The following MAP2K2 variants were observed in gnomAD, a reference collection of about 807,000 sequenced individuals.
MAP2K2 encodes the protein dual specificity mitogen-activated protein kinase kinase 2.
In MAP2K2, 24 loss-of-function variants were observed where a neutral mutation model predicts 43.7. That is an observed-to-expected ratio of 0.55 (90% CI 0.40 to 0.77). The LOEUF (loss-of-function observed/expected upper bound fraction) is 0.77. Among genes scored for constraint, MAP2K2 ranks in the 30% least tolerant of loss-of-function variants. The pLI is 0.00. For synonymous variants in MAP2K2, 244 were observed against 239.7 expected, an observed-to-expected ratio of 1.02 and a Z score of -0.17; for missense variants, 470 against 566.8, an observed-to-expected ratio of 0.83 and a Z score of 1.73.
intron 1 of MAP2K2, among the ~76,000 whole-genome samples, chr19:4,122,082 C>A (rs568007083): frequency 3.9e-4 from 56 of 144,106 alleles, no homozygotes; most frequent in African/African-American, 1.4e-3. Context: ...CCCAAAAGGA[C>A]CGCTCCCCGC....
At chr19:4,098,330 G>A (rs146568126) in intron 7 of MAP2K2, among the ~76,000 whole-genome samples, 1 of 152,292 alleles carries the variant, frequency 6.6e-6, no homozygotes, top group African/African-American at 2.4e-5. Flanking sequence ...AGCTGAGAAG[G>A]TTCTGGAATT....
At chr19:4,092,638 T>C (rs183737198) in intron 10 of MAP2K2, among the ~76,000 whole-genome samples, 503 of 152,252 alleles carry the variant, frequency 3.3e-3, no homozygotes, top group Non-Finnish European at 5.0e-3. Context: ...TTTTTAGTTA[T>C]TTATTTATTT....
In MAP2K2 at chr19:4,091,356, AT is replaced by A. The variant is rs558330774; in HGVS notation, c.1093-649del. ...AAATTAATTAAATACTTTTACTTTA[AT>A]TTTTTTTTTTTTTAGATGGAGTTTC... On this transcript the variant is annotated intron_variant, in intron 10 of 10. Coordinates refer to ENST00000262948, the MANE Select transcript of MAP2K2 (RefSeq NM_030662.4). Among the ~76,000 whole-genome samples the A allele has an allele frequency of 3.6e-3, 518 of 145,602 alleles. 1 individual carries two copies. Among genetic ancestry groups the A allele is most frequent in the South Asian group, 0.01 (46 of 4,578 alleles).
chr19:4,123,279 C>T (rs1275970999), intron 1 of MAP2K2, among the ~76,000 whole-genome samples: 1 of 151,390 alleles, frequency 6.6e-6, no homozygotes. Flanking sequence ...ACTCCCCTCA[C>T]CCCAGCTTCA....
intron 3 of MAP2K2, among the ~76,000 whole-genome samples, chr19:4,107,537 A>C (rs1458928778): frequency 1.3e-5 from 2 of 151,006 alleles, no homozygotes; most frequent in African/African-American, 2.4e-5. Context: ...AAAAAAAAAA[A>C]AAAAAAAAAC....
chr19:4,113,866 C>G (rs1033345302), intron 2 of MAP2K2, among the ~76,000 whole-genome samples: 1 of 152,186 alleles, frequency 6.6e-6, no homozygotes, highest in African/African-American at 2.4e-5. Context: ...CGGCCGCCAC[C>G]CCGCAGGCCT....
intron 2 of MAP2K2, among the ~76,000 whole-genome samples, chr19:4,111,615 C>T (rs534598960): frequency 5.7e-4 from 87 of 152,262 alleles, no homozygotes; most frequent in African/African-American, 1.9e-3. Context: ...TCAAGTTGAC[C>T]CCGGTGCCAC....
Position 4,095,397 on chromosome 19 carries a change from A to G in MAP2K2, c.1037T>C (p.Val346Ala). The G allele has an allele frequency of 6.4e-7, 1 of 1,551,142 alleles. No homozygotes were observed. Among genetic ancestry groups the G allele is most frequent in the Non-Finnish European group, 8.7e-7 (1 of 1,146,796 alleles). Residue 346 changes from valine to alanine, a missense_variant, in exon 9 of 11, where the codon GTC (valine) becomes GCC (alanine). Val to Ala is a moderately conservative substitution (Grantham distance 64). Coordinates refer to ENST00000262948, the MANE Select transcript of MAP2K2 (RefSeq NM_030662.4). Reference protein sequence around the residue: ...GVFTPDFQEFVNKCLIKNPAE... With the variant: ...GVFTPDFQEFANKCLIKNPAE... ...GCCCGGCTCCACCTACCATTTATTG[A>G]CAAACTCCTGGAAGTCGGGGGTGAA...
intron 7 of MAP2K2, 70 bp from the exon 8 acceptor site, chr19:4,097,413 C>T: frequency 1.6e-6 from 2 of 1,245,112 alleles, no homozygotes; most frequent in Non-Finnish European, 2.4e-6. Flanking sequence ...GTTGGGCTCC[C>T]AGGGGGCTGA....
intron 1 of MAP2K2, among the ~76,000 whole-genome samples, chr19:4,118,633 G>A (rs988734441): frequency 2.0e-5 from 3 of 152,076 alleles, no homozygotes; most frequent in Admixed American, 2.0e-4. Flanking sequence ...GACCAGCCTG[G>A]GCAACAAAGT....
chr19:4,102,182 G>A (rs1260368569), intron 4 of MAP2K2, among the ~76,000 whole-genome samples, 194 bp downstream of exon 4: 1 of 152,188 alleles, frequency 6.6e-6, no homozygotes, highest in African/African-American at 2.4e-5. Context: ...CTTGGCAGAT[G>A]GTGACCTCAG....
intron 8 of MAP2K2, among the ~76,000 whole-genome samples, chr19:4,095,901 A>T (rs1051541233): frequency 2.0e-5 from 3 of 152,176 alleles, no homozygotes; most frequent in Admixed American, 6.5e-5. Context: ...CAGCCTCCTG[A>T]GTAGCTGGGA....
intron 3 of MAP2K2, 54 bp downstream of exon 3, chr19:4,110,455 A>C: frequency 1.2e-6 from 2 of 1,605,548 alleles, no homozygotes; most frequent in Non-Finnish European, 1.7e-6. Flanking sequence ...CTTCTCCCCA[A>C]CATGCTCTGT....
chr19:4,117,684 G>A (rs750109603), intron 1 of MAP2K2, 55 bp from the exon 2 acceptor site: 28 of 1,530,580 alleles, frequency 1.8e-5, no homozygotes, highest in East Asian at 1.6e-4. Flanking sequence ...CCATCTGGCC[G>A]TTTGCTATGT....
chr19:4,123,541 C>T (rs1398505579), intron 1 of MAP2K2, among the ~76,000 whole-genome samples: 1 of 150,196 alleles, frequency 6.7e-6, no homozygotes, highest in Non-Finnish European at 1.5e-5. Context: ...CCCTTCGCCC[C>T]GTCCTCCGAG....
intron 1 of MAP2K2, among the ~76,000 whole-genome samples, chr19:4,118,320 G>A (rs932317921): frequency 6.6e-6 from 1 of 151,284 alleles, no homozygotes; most frequent in Non-Finnish European, 1.5e-5. Context: ...CGGAGCCCGG[G>A]CCAAGATGTC....
At chr19:4,093,312 C>T (rs1425207405) in intron 10 of MAP2K2, among the ~76,000 whole-genome samples, 1 of 152,134 alleles carries the variant, frequency 6.6e-6, no homozygotes, top group Admixed American at 6.5e-5. Flanking sequence ...GTGGGAGGAT[C>T]ACTTGAGCAC....
Position 4,117,638 on chromosome 19 carries a change from AC to A in MAP2K2, c.93-10del, listed in dbSNP as rs751442889. On this transcript the variant is annotated splice_polypyrimidine_tract_variant and intron_variant, in intron 1 of 10. Coordinates refer to ENST00000262948, the MANE Select transcript of MAP2K2 (RefSeq NM_030662.4). The stretch of plus-strand genomic sequence containing the variant: ...GGTCCACCAGGTTTGCCCTGCAGAG[AC>A]CCCCCAGGGTAGGGGTTAGCTACCT... The A allele has an allele frequency of 2.5e-6, 4 of 1,612,378 alleles. No homozygotes were observed. Among genetic ancestry groups the A allele is most frequent in the Non-Finnish European group, 3.4e-6 (4 of 1,179,684 alleles).
At chr19:4,103,355 C>T (rs1465765424) in intron 3 of MAP2K2, 2 of 756,520 alleles carry the variant, frequency 2.6e-6, no homozygotes, top group Admixed American at 1.2e-4. Flanking sequence ...ATGCCAAAAC[C>T]CCAGGCACTG....
Sources: gnomAD v4.1 joint callset for allele counts (sites outside exome capture counted in the v4.1 genomes callset) on GRCh38, gnomAD v4.1.1 for gene constraint, MANE v1.5 for transcripts, NCBI Gene and HGNC (gene_info 2026-07-23, HGNC 2026-07-21) for gene names.